CCSER1: variants seen among roughly 807,000 people sequenced by gnomAD.
The protein encoded by CCSER1 is serine-rich coiled-coil domain-containing protein 1.
A neutral mutation model predicts 82.0 loss-of-function variants in CCSER1; 41 were observed. That is an observed-to-expected ratio of 0.50 (90% CI 0.39 to 0.65). The LOEUF (loss-of-function observed/expected upper bound fraction) is 0.65. Ranked by LOEUF, CCSER1 falls within the 30% of genes least tolerant of loss-of-function variation. The pLI, the probability that CCSER1 is intolerant of heterozygous loss-of-function variation, is 0.00. For synonymous variants in CCSER1, 414 were observed against 383.9 expected (o/e 1.08, Z -0.92); for missense variants, 1,119 against 1,064.2 (o/e 1.05, Z -0.72).
chr4:90,987,353 A>G (rs1458610225), intron 9 of CCSER1, among the ~76,000 whole-genome samples: 6 of 151,552 alleles, frequency 4.0e-5, no homozygotes, highest in South Asian at 4.2e-4. Flanking sequence ...CAATTCACCA[A>G]AAAATAAAAC....
intron 5 of CCSER1, among the ~76,000 whole-genome samples, chr4:90,564,861 A>G (rs530488537): frequency 6.9e-4 from 105 of 151,320 alleles, no homozygotes; most frequent in African/African-American, 2.5e-3. Context: ...GGGGCTCCCT[A>G]TTCTGTTCCA....
At chr4:90,551,540 A>C (rs1777474824) in intron 5 of CCSER1, among the ~76,000 whole-genome samples, 1 of 151,766 alleles carries the variant, frequency 6.6e-6, no homozygotes, top group Admixed American at 6.6e-5. Context: ...TGCATCCTTT[A>C]GGTTTCACTT....
At chr4:90,413,377 A>G (rs1264302828) in intron 4 of CCSER1, among the ~76,000 whole-genome samples, 1 of 152,178 alleles carries the variant, frequency 6.6e-6, no homozygotes, top group East Asian at 1.9e-4. Context: ...ATACTGCTAT[A>G]AGCAATCTAC....
intron 6 of CCSER1, among the ~76,000 whole-genome samples, chr4:90,669,594 G>A (rs1395062095): frequency 6.6e-6 from 1 of 152,038 alleles, no homozygotes; most frequent in Admixed American, 6.6e-5. Flanking sequence ...GGTAGAGGAA[G>A]GTATCGTTTA....
At chr4:90,392,197 A>G (rs1201046284) in intron 3 of CCSER1, among the ~76,000 whole-genome samples, 1 of 152,000 alleles carries the variant, frequency 6.6e-6, no homozygotes, top group African/African-American at 2.4e-5. Context: ...TTTCTACTTA[A>G]GTAATATATT....
intron 7 of CCSER1, among the ~76,000 whole-genome samples, chr4:90,787,809 A>T (rs138508329): frequency 6.6e-6 from 1 of 152,168 alleles, no homozygotes; most frequent in Non-Finnish European, 1.5e-5. Context: ...TTTGACTGGC[A>T]TTGTCTAGAT....
intron 5 of CCSER1, among the ~76,000 whole-genome samples, chr4:90,544,774 T>G (rs1435813051): frequency 6.6e-6 from 1 of 152,060 alleles, no homozygotes. Flanking sequence ...CTCCCATAAG[T>G]GCCTTTTATG....
chr4:90,795,158 G>A (rs1019503924), intron 7 of CCSER1, among the ~76,000 whole-genome samples: 21 of 151,820 alleles, frequency 1.4e-4, no homozygotes, highest in African/African-American at 4.6e-4. Flanking sequence ...GTGGTTGCGG[G>A]CACCTGTAAT....
intron 10 of CCSER1, among the ~76,000 whole-genome samples, chr4:91,495,685 T>C (rs1170230109): frequency 6.6e-6 from 1 of 151,568 alleles, no homozygotes; most frequent in Non-Finnish European, 1.5e-5. Flanking sequence ...GAAATATTTT[T>C]CCCCAAAACA....
At chr4:90,650,436 A>T (rs1728535703) in intron 6 of CCSER1, among the ~76,000 whole-genome samples, 1 of 152,194 alleles carries the variant, frequency 6.6e-6, no homozygotes, top group African/African-American at 2.4e-5. Flanking sequence ...TGGACACCAG[A>T]CTTGTAAAGA....
At chr4:90,896,952 A>C (rs1723800925) in intron 8 of CCSER1, among the ~76,000 whole-genome samples, 1 of 151,996 alleles carries the variant, frequency 6.6e-6, no homozygotes, top group African/African-American at 2.4e-5. Context: ...ATGGTACATA[A>C]CCATTACAGA....
chr4:91,206,758 C>T (rs1433599313), intron 10 of CCSER1, among the ~76,000 whole-genome samples: 1 of 151,862 alleles, frequency 6.6e-6, no homozygotes, highest in Non-Finnish European at 1.5e-5. Context: ...CCATAGTAGA[C>T]AGCCAGACTC....
chr4:90,613,862 G>T (rs1475621472), intron 5 of CCSER1, among the ~76,000 whole-genome samples: 1 of 152,116 alleles, frequency 6.6e-6, no homozygotes, highest in African/African-American at 2.4e-5. Flanking sequence ...TAAGAAGTTG[G>T]CTCTAAGAAC....
At chr4:91,086,501 A>T (rs1168717955) in intron 10 of CCSER1, among the ~76,000 whole-genome samples, 1 of 152,020 alleles carries the variant, frequency 6.6e-6, no homozygotes, top group Non-Finnish European at 1.5e-5. Context: ...AAGACTTAAC[A>T]TCACTTAATT....
Position 91,598,736 on chromosome 4 carries a change from G to C in CCSER1, c.2382G>C (p.Leu794=), listed in dbSNP as rs1350458318. The C allele has an allele frequency of 1.3e-6, 2 of 1,551,518 alleles. No homozygotes were observed. The highest frequency in any genetic ancestry group is 3.9e-5 in the Admixed American group (2 of 50,962). ...CAAGTCTCTGTTTAAGTAATTTCCT[G>C]AAGGACAAGGAACTAGCAGAAGTTA... ...QLPSLCLSNF[L]KDKELAEVIK... Residue 794 remains leucine, a synonymous_variant, in exon 11 of 11, where the codon CTG becomes CTC. Coordinates refer to ENST00000509176, the MANE Select transcript of CCSER1 (RefSeq NM_001145065.2).
intron 7 of CCSER1, among the ~76,000 whole-genome samples, chr4:90,748,535 C>G (rs1321032980): frequency 4.7e-5 from 7 of 148,944 alleles, no homozygotes; most frequent in Non-Finnish European, 9.0e-5. Context: ...GATTTATAGT[C>G]CTTTGGGTAT....
intron 10 of CCSER1, among the ~76,000 whole-genome samples, chr4:91,204,176 C>G (rs750266645): frequency 7.9e-5 from 12 of 151,820 alleles, no homozygotes; most frequent in Non-Finnish European, 1.6e-4. Flanking sequence ...GGAATGGTCT[C>G]TGTCCTCAAC....
intron 10 of CCSER1, among the ~76,000 whole-genome samples, chr4:91,312,232 TTATAA>T (rs910116472): frequency 6.6e-6 from 1 of 151,666 alleles, no homozygotes; most frequent in Non-Finnish European, 1.5e-5. Flanking sequence ...ATTACAAGAG[TTATAA>T]TATATAAGAT....
In CCSER1 at chr4:90,586,363, A is replaced by G. The variant is rs149716674; in HGVS notation, c.1725-41662A>G. On this transcript the variant is annotated intron_variant, in intron 5 of 10. Coordinates refer to ENST00000509176, the MANE Select transcript of CCSER1 (RefSeq NM_001145065.2). ...ATTTAGAAGATAAGTGTTGCTAAAA[A>G]ATAAGTTTAACACAGATCTATTATA... Among the ~76,000 whole-genome samples the G allele has an allele frequency of 3.8e-3, 581 of 152,346 alleles. 4 individuals carry two copies. The highest frequency in any genetic ancestry group is 0.013 in the African/African-American group (553 of 41,570).
Sources: gnomAD v4.1 joint callset for allele counts (sites outside exome capture counted in the v4.1 genomes callset) on GRCh38, gnomAD v4.1.1 for gene constraint, MANE v1.5 for transcripts, NCBI Gene and HGNC (gene_info 2026-07-23, HGNC 2026-07-21) for gene names.